Variants in PCDHA9 observed in about 807,000 individuals in gnomAD.
The protein encoded by PCDHA9 is protocadherin alpha 9.
A neutral mutation model predicts 62.0 loss-of-function variants in PCDHA9; 62 were observed. The ratio of observed to expected loss-of-function variants is 1.00; its 90% CI spans 0.81 to 1.23. PCDHA9 has a LOEUF of 1.23. Among genes scored for constraint, PCDHA9 ranks in the 50% most tolerant of loss-of-function variants. The pLI, the probability that PCDHA9 is intolerant of heterozygous loss-of-function variation, is 0.00. For missense variants in PCDHA9, 1,205 were observed against 1,249.8 expected (o/e 0.96, Z 0.54); for synonymous variants, 557 against 567.6 (o/e 0.98, Z 0.27).
At chr5:140,905,408 C>G (rs1374273315) in intron 1 of PCDHA9, among the ~76,000 whole-genome samples, 1 of 152,142 alleles carries the variant, frequency 6.6e-6, no homozygotes, top group Non-Finnish European at 1.5e-5. Flanking sequence ...TATTTTTATA[C>G]CAGTACCATG....
intron 1 of PCDHA9, among the ~76,000 whole-genome samples, chr5:140,911,205 A>G (rs1554194650): frequency 6.6e-6 from 1 of 152,162 alleles, no homozygotes; most frequent in African/African-American, 2.4e-5. Flanking sequence ...TGTTGCCACT[A>G]CTGGGGATGA....
chr5:140,883,962 T>G, intron 1 of PCDHA9: 3 of 1,613,126 alleles, frequency 1.9e-6, no homozygotes, highest in Non-Finnish European at 2.5e-6. Context: ...GCTCCGGCGC[T>G]GCTGACGCCC....
rs1554165105 is a variant in PCDHA9 at position 140,871,093 on chromosome 5, G to A, written c.2394+20204G>A. 3 of 1,613,300 alleles carry A rather than the reference G, an allele frequency of 1.9e-6. No individual in the cohort carries two copies. Among genetic ancestry groups the A allele is most frequent in the East Asian group, 4.5e-5 (2 of 44,870 alleles). ...GCCGGCGCTGACGGCCACGGCCACC[G>A]TGCTGGTGTCGTTGGTGGAGAGCGG... On this transcript the variant is annotated intron_variant, in intron 1 of 3. Transcript: ENST00000532602.
chr5:140,848,559 G>C lies in PCDHA9; in HGVS notation c.64G>C (p.Ala22Pro). ...QPLLLSLLIL[A>P]MWVVGSGQLH... ...TCTACTGCTCTCGCTTCTGATCCTCGCAATGTGGGTGGTGGGGAGCGGCCA... is the reference window on the plus strand; with the variant it reads ...TCTACTGCTCTCGCTTCTGATCCTCCCAATGTGGGTGGTGGGGAGCGGCCA... Residue 22 changes from alanine (A) to proline (P), a missense_variant, in exon 1 of 4, where the codon GCA (alanine) becomes CCA (proline). Physicochemically the swap from Ala to Pro is conservative, Grantham distance 27. Around this residue, in one of 3 missense-constraint regions of PCDHA9, gnomAD observed 208 missense variants for 213.2 expected, o/e 0.98. Coordinates refer to ENST00000532602, the MANE Select transcript of PCDHA9 (RefSeq NM_031857.2). 1 of 1,595,568 alleles carries C rather than the reference G, an allele frequency of 6.3e-7. No individual in the cohort carries two copies. The highest frequency in any genetic ancestry group is 8.6e-7 in the Non-Finnish European group (1 of 1,165,540).
chr5:141,007,079 TAGAGA>T (rs1308407580), intron 3 of PCDHA9, among the ~76,000 whole-genome samples: 1 of 151,804 alleles, frequency 6.6e-6, no homozygotes, highest in African/African-American at 2.4e-5. Flanking sequence ...GAAGAGAAAA[TAGAGA>T]AGAGAGTCTA....
intron 1 of PCDHA9, among the ~76,000 whole-genome samples, chr5:140,964,381 T>C (rs1008874330): frequency 1.3e-5 from 2 of 152,176 alleles, no homozygotes. Flanking sequence ...AGGAGAGTCC[T>C]GGTTTTTCTC....
Position 140,938,896 on chromosome 5 carries a change from C to T in PCDHA9, c.2395-40053C>T, listed in dbSNP as rs188490743. 3.9e-5 allele frequency among the ~76,000 whole-genome samples: 6 copies of T among 152,036 alleles called. 1 individual carries two copies. The East Asian group carries it at 1.2e-3, about 29-fold the overall frequency. The stretch of plus-strand genomic sequence containing the variant: ...GAAGCAACACACACACACACAGATG[C>T]GCACACACACACACGCACAAGAAAT... On this transcript the variant is annotated intron_variant, in intron 1 of 3. Transcript: ENST00000532602.
chr5:140,927,245 A>G (rs1197319664), intron 1 of PCDHA9: 6 of 1,613,948 alleles, frequency 3.7e-6, no homozygotes, highest in South Asian at 2.2e-5. Flanking sequence ...CTGGACACCA[A>G]TGACAACTCA....
chr5:140,850,946 T>A (rs2150503431), intron 1 of PCDHA9, 57 bp downstream of exon 1: 1 of 1,504,084 alleles, frequency 6.6e-7, no homozygotes, highest in East Asian at 2.3e-5. Flanking sequence ...AAAGATATTA[T>A]CGATTACTCC....
chr5:140,986,220 T>C (rs2097190951), intron 3 of PCDHA9, among the ~76,000 whole-genome samples: 1 of 152,194 alleles, frequency 6.6e-6, no homozygotes, highest in African/African-American at 2.4e-5. Flanking sequence ...CCCCTTTCTC[T>C]AGCCTCCCCT....
Position 140,849,786 on chromosome 5 carries a change from G to A in PCDHA9, c.1291G>A (p.Gly431Ser). The A allele has an allele frequency of 1.9e-6, 3 of 1,598,490 alleles. No homozygotes were observed. The highest frequency in any genetic ancestry group is 1.3e-5 in the African/African-American group (1 of 74,500). ...GCTGGTGGTTACCGCGCGGGACGGG[G>A]GCTCGCCTTCACTGTGGGCCACGGC... Reference protein sequence around the residue: ...YELVVTARDGGSPSLWATARV... With the variant: ...YELVVTARDGSSPSLWATARV... Residue 431 changes from glycine to serine, a missense_variant, in exon 1 of 4, where the codon GGC (glycine) becomes AGC (serine). Physicochemically the swap from Gly to Ser is moderately conservative, Grantham distance 56. Coordinates refer to ENST00000532602, the MANE Select transcript of PCDHA9 (RefSeq NM_031857.2).
intron 1 of PCDHA9, chr5:140,856,217 G>C: frequency 6.3e-7 from 1 of 1,598,130 alleles, no homozygotes; most frequent in Non-Finnish European, 8.6e-7. Flanking sequence ...GGAGCTGGCG[G>C]AGCTGGTGCA....
intron 1 of PCDHA9, among the ~76,000 whole-genome samples, chr5:140,891,735 A>G (rs1200695234): frequency 2.6e-5 from 4 of 152,172 alleles, no homozygotes; most frequent in African/African-American, 9.7e-5. Context: ...TGAAAATTCA[A>G]TCCCTTATAC....
intron 1 of PCDHA9, among the ~76,000 whole-genome samples, chr5:140,943,997 T>C (rs1387803558): frequency 2.0e-5 from 3 of 152,178 alleles, no homozygotes; most frequent in African/African-American, 7.2e-5. Flanking sequence ...ACAGAACTAC[T>C]GAGTACCCCC....
chr5:141,004,369 C>T (rs1239142670), intron 3 of PCDHA9, among the ~76,000 whole-genome samples: 1 of 152,324 alleles, frequency 6.6e-6, no homozygotes, highest in South Asian at 2.1e-4. Context: ...ACACCTTGTT[C>T]TGCTCTGCGG....
intron 1 of PCDHA9, among the ~76,000 whole-genome samples, chr5:140,943,465 GA>G (rs1412044069): frequency 6.6e-6 from 1 of 152,022 alleles, no homozygotes. Flanking sequence ...CTAAATGTGG[GA>G]GATACAGTAA....
At chr5:140,908,726 G>A (rs1304356386) in intron 1 of PCDHA9, among the ~76,000 whole-genome samples, 3 of 152,188 alleles carry the variant, frequency 2.0e-5, no homozygotes, top group African/African-American at 4.8e-5. Flanking sequence ...TGGGTCATAT[G>A]GCTCGAGAAA....
chr5:140,997,077 G>T (rs1201538953), intron 3 of PCDHA9, among the ~76,000 whole-genome samples: 3 of 152,062 alleles, frequency 2.0e-5, no homozygotes, highest in Admixed American at 2.0e-4. Flanking sequence ...CAGGAAAGTT[G>T]AGTAGAAAGT....
chr5:140,932,500 T>C (rs2088368568), intron 1 of PCDHA9, among the ~76,000 whole-genome samples: 3 of 151,914 alleles, frequency 2.0e-5, no homozygotes, highest in Non-Finnish European at 4.4e-5. Context: ...ATGTCATTTG[T>C]TAACAGTAGT....
Sources: gnomAD v4.1 joint callset for allele counts (sites outside exome capture counted in the v4.1 genomes callset) on GRCh38, gnomAD v4.1.1 for gene constraint, gnomAD v4.1.1 regional missense constraint, MANE v1.5 for transcripts, NCBI Gene and HGNC (gene_info 2026-07-23, HGNC 2026-07-21) for gene names.